Variants in SEMA3A observed in about 807,000 individuals in gnomAD.
SEMA3A encodes semaphorin-3A.
SEMA3A carries 29 observed loss-of-function variants against 97.9 expected under a neutral mutation model. The observed-to-expected ratio is 0.30, with a 90% CI of 0.22 to 0.40. The LOEUF (loss-of-function observed/expected upper bound fraction) is 0.40, where lower values mean the gene tolerates loss of function less well. Ranked by LOEUF, SEMA3A falls within the 10% of genes least tolerant of loss-of-function variation. The pLI is 1.00. For missense variants in SEMA3A, 763 were observed against 951.3 expected, an observed-to-expected ratio of 0.80 and a Z score of 2.60; for synonymous variants, 321 against 323.7, an observed-to-expected ratio of 0.99 and a Z score of 0.09.
chr7:84,032,707 T>G (rs28657053), intron 6 of SEMA3A, among the ~76,000 whole-genome samples: 138 of 152,106 alleles, frequency 9.1e-4, no homozygotes, highest in African/African-American at 3.2e-3. Flanking sequence ...TAACATTAAC[T>G]ACCATGTTTT....
At chr7:84,187,336 C>A (rs1419190789) in intron 1 of SEMA3A, among the ~76,000 whole-genome samples, 1 of 152,062 alleles carries the variant, frequency 6.6e-6, no homozygotes, top group Non-Finnish European at 1.5e-5. Flanking sequence ...GAGTAGAAAC[C>A]TCACTTTCTT....
intron 3 of SEMA3A, among the ~76,000 whole-genome samples, chr7:84,114,860 T>C (rs1341494978): frequency 2.0e-5 from 3 of 152,140 alleles, no homozygotes; most frequent in Admixed American, 1.3e-4. Flanking sequence ...TAAAGGAGGT[T>C]AGAAATCTCT....
At chr7:84,379,560 T>G (rs371669949) in intron 1 of SEMA3A, among the ~76,000 whole-genome samples, 2 of 152,140 alleles carry the variant, frequency 1.3e-5, no homozygotes, top group African/African-American at 4.8e-5. Flanking sequence ...ATAAAACATA[T>G]GAACATAATT....
intron 4 of SEMA3A, among the ~76,000 whole-genome samples, chr7:84,099,555 C>T (rs1187081105): frequency 6.6e-6 from 1 of 152,094 alleles, no homozygotes; most frequent in African/African-American, 2.4e-5. Flanking sequence ...CAGCTTAACG[C>T]AGCTGATTTG....
intron 1 of SEMA3A, among the ~76,000 whole-genome samples, chr7:84,468,668 GT>G (rs1191460309): frequency 6.6e-6 from 1 of 152,070 alleles, no homozygotes; most frequent in African/African-American, 2.4e-5. Context: ...GTTAATATCA[GT>G]CAAGAAGAAT....
chr7:83,997,930 GT>G (rs1486816660), intron 12 of SEMA3A, among the ~76,000 whole-genome samples: 1 of 151,824 alleles, frequency 6.6e-6, no homozygotes, highest in Non-Finnish European at 1.5e-5. Flanking sequence ...TAGAGACGGG[GT>G]TTCACCATCT....
At chr7:84,211,087 T>G (rs1798612546) in intron 3 of SEMA3A, among the ~76,000 whole-genome samples, 1 of 152,206 alleles carries the variant, frequency 6.6e-6, no homozygotes, top group Non-Finnish European at 1.5e-5. Context: ...GACAATGGTT[T>G]TAGGCAGATT....
intron 1 of SEMA3A, among the ~76,000 whole-genome samples, chr7:84,388,951 A>T (rs1803471621): frequency 6.6e-6 from 1 of 152,062 alleles, no homozygotes; most frequent in Non-Finnish European, 1.5e-5. Flanking sequence ...TGTAATGATT[A>T]TATGTAGCAA....
rs976927858 is a variant in SEMA3A at position 84,192,544 on chromosome 7, T to C, written c.112+1931A>G. ...GCTTATAAAGACAATATCAAATATATACACCTTGCTAATATATACTGCTTG... is the reference window on the plus strand; with the variant it reads ...GCTTATAAAGACAATATCAAATATACACACCTTGCTAATATATACTGCTTG... On this transcript the variant is annotated intron_variant, in intron 1 of 16. Coordinates refer to ENST00000265362, the MANE Select transcript of SEMA3A (RefSeq NM_006080.3). Among the ~76,000 whole-genome samples, 3 of 151,916 alleles carry C rather than the reference T, an allele frequency of 2.0e-5. No homozygotes were observed. In the South Asian group the frequency reaches 6.2e-4, roughly 31 times the overall value.
chr7:84,479,822 C>T (rs1166272255), intron 1 of SEMA3A, among the ~76,000 whole-genome samples: 1 of 152,022 alleles, frequency 6.6e-6, no homozygotes, highest in Non-Finnish European at 1.5e-5. Context: ...ATAAGAAGCT[C>T]AATAGTTAGG....
At chr7:84,452,929 TAAATCTTTATA>T (rs1400094243) in intron 1 of SEMA3A, among the ~76,000 whole-genome samples, 1 of 152,098 alleles carries the variant, frequency 6.6e-6, no homozygotes, top group African/African-American at 2.4e-5. Flanking sequence ...GGGGGGGAAG[TAAATCTTTATA>T]CACTGTCAGA....
At position 84,191,297 on chromosome 7, in the gene SEMA3A, T is replaced by C. The variant is rs1252037380; in HGVS notation, c.112+3178A>G. On this transcript the variant is annotated intron_variant, in intron 1 of 16. Transcript: ENST00000265362. Reference sequence around the variant, plus strand: ...TCAGAAGGCCTACCACTTTTTAAAGTGCTATTTACTAAGTCCTTCCTATGA... The same window carrying C: ...TCAGAAGGCCTACCACTTTTTAAAGCGCTATTTACTAAGTCCTTCCTATGA... Among the ~76,000 whole-genome samples, 13 of 151,314 alleles carry C rather than the reference T, an allele frequency of 8.6e-5. No homozygotes were observed. The East Asian group carries it at 2.5e-3, about 29-fold the overall frequency.
intron 12 of SEMA3A, among the ~76,000 whole-genome samples, chr7:83,993,001 C>A (rs1407581553): frequency 1.4e-5 from 2 of 139,698 alleles, no homozygotes; most frequent in Admixed American, 7.4e-5. Flanking sequence ...CTGGGTGCTC[C>A]TGTATTGGGT....
intron 5 of SEMA3A, among the ~76,000 whole-genome samples, chr7:84,059,066 T>C (rs961365605): frequency 1.3e-5 from 2 of 152,180 alleles, no homozygotes; most frequent in African/African-American, 4.8e-5. Context: ...CTATCCTTTT[T>C]TCAGTGTGCA....
chr7:84,021,453 T>A (rs1242224211), intron 6 of SEMA3A, among the ~76,000 whole-genome samples: 1 of 152,218 alleles, frequency 6.6e-6, no homozygotes, highest in East Asian at 1.9e-4. Context: ...ACTGCAACTA[T>A]CCGCATGTAG....
chr7:84,464,976 T>C (rs910326645), intron 1 of SEMA3A, among the ~76,000 whole-genome samples: 1 of 152,056 alleles, frequency 6.6e-6, no homozygotes, highest in Non-Finnish European at 1.5e-5. Context: ...GGGACCTATG[T>C]GAGGAGTAAA....
intron 1 of SEMA3A, among the ~76,000 whole-genome samples, chr7:84,480,230 C>CT (rs1194784493): frequency 2.6e-5 from 4 of 151,926 alleles, no homozygotes; most frequent in Non-Finnish European, 4.4e-5. Context: ...TTTGTTTTAA[C>CT]TTTTTTCACT....
Position 84,347,920 on chromosome 7 carries a change from T to C in SEMA3A, c.-169+23904A>G, listed in dbSNP as rs530972411. Among the ~76,000 whole-genome samples, 4 of 152,270 alleles carry C rather than the reference T, an allele frequency of 2.6e-5. No homozygotes were observed. In the South Asian group the frequency reaches 8.3e-4, roughly 32 times the overall value. ...GACATGTTTCAGGACATGATTGTAT[T>C]GGCGCATAGATGATCATCTAAACCC... On this transcript the variant is annotated intron_variant, in intron 2 of 3. Coordinates refer to the SEMA3A transcript ENST00000424555.
At chr7:84,292,914 A>G (rs1245185401) in intron 3 of SEMA3A, among the ~76,000 whole-genome samples, 1 of 152,074 alleles carries the variant, frequency 6.6e-6, no homozygotes, top group Non-Finnish European at 1.5e-5. Flanking sequence ...TTTCATGTTG[A>G]CCATGTAGAT....
Sources: gnomAD v4.1 joint callset for allele counts (sites outside exome capture counted in the v4.1 genomes callset) on GRCh38, gnomAD v4.1.1 for gene constraint, MANE v1.5 for transcripts, NCBI Gene and HGNC (gene_info 2026-07-23, HGNC 2026-07-21) for gene names.